The following TPRG1 variants were observed in gnomAD, a reference collection of about 807,000 sequenced individuals.
TPRG1 encodes the protein tumor protein p63-regulated gene 1 protein.
Under a neutral mutation model 29.3 loss-of-function variants are expected in TPRG1, and 29 were observed. The ratio of observed to expected loss-of-function variants is 0.99; its 90% CI spans 0.74 to 1.35. TPRG1 has a LOEUF of 1.35. Among genes scored for constraint, TPRG1 ranks in the 40% most tolerant of loss-of-function variants. The probability of loss-of-function intolerance (pLI) is 0.00; values close to 1 mark genes in which losing one functional copy is unlikely to be tolerated. For synonymous variants in TPRG1, 130 were observed against 116.8 expected, an observed-to-expected ratio of 1.11 and a Z score of -0.73; for missense variants, 327 against 335.0, an observed-to-expected ratio of 0.98 and a Z score of 0.19.
chr3:189,271,120 A>G (rs2109083526), intron 4 of TPRG1, among the ~76,000 whole-genome samples: 1 of 152,320 alleles, frequency 6.6e-6, no homozygotes, highest in East Asian at 1.9e-4. Context: ...AAGTCACTTT[A>G]CTAAAGTCCT....
intron 1 of TPRG1, among the ~76,000 whole-genome samples, chr3:189,117,882 T>C (rs1721367459): frequency 6.6e-6 from 1 of 152,118 alleles, no homozygotes; most frequent in Admixed American, 6.5e-5. Context: ...TTCATAGCAG[T>C]GTGAGAATGG....
intron 4 of TPRG1, among the ~76,000 whole-genome samples, chr3:189,075,767 T>C (rs1717132689): frequency 2.0e-5 from 3 of 152,168 alleles, no homozygotes; most frequent in African/African-American, 7.2e-5. Context: ...TCTTCAGGGA[T>C]AAAATTGGCA....
At chr3:189,017,141 T>G (rs1395386010) in intron 3 of TPRG1, among the ~76,000 whole-genome samples, 2 of 149,130 alleles carry the variant, frequency 1.3e-5, no homozygotes, top group East Asian at 1.9e-4. Flanking sequence ...TGCCTTTTCA[T>G]TTTTTTTTTC....
At chr3:189,255,687 GCCTCAA>G (rs1043427952) in intron 4 of TPRG1, among the ~76,000 whole-genome samples, 29 of 152,216 alleles carry the variant, frequency 1.9e-4, no homozygotes, top group African/African-American at 7.0e-4. Context: ...ATTAATTACT[GCCTCAA>G]TTTCAGAACT....
intron 1 of TPRG1, among the ~76,000 whole-genome samples, chr3:189,195,519 G>A (rs1041628375): frequency 1.3e-5 from 2 of 152,170 alleles, no homozygotes; most frequent in African/African-American, 2.4e-5. Flanking sequence ...ACTACTCACC[G>A]CTAGAGCAAG....
chr3:189,052,351 C>G (rs965538213), intron 4 of TPRG1, among the ~76,000 whole-genome samples: 1 of 152,192 alleles, frequency 6.6e-6, no homozygotes, highest in Non-Finnish European at 1.5e-5. Context: ...TGCTCAACAT[C>G]ACTGATGATC....
chr3:189,014,623 T>C (rs1443589711), intron 3 of TPRG1, among the ~76,000 whole-genome samples: 2 of 152,076 alleles, frequency 1.3e-5, no homozygotes, highest in African/African-American at 4.8e-5. Flanking sequence ...ATGGGGGAAA[T>C]CTTCTCCCTT....
chr3:189,137,441 AAG>A (rs1723910606), intron 3 of TPRG1, among the ~76,000 whole-genome samples: 1 of 152,030 alleles, frequency 6.6e-6, no homozygotes, highest in Non-Finnish European at 1.5e-5. Flanking sequence ...ACAACAAAAA[AAG>A]AATTTTTCCC....
intron 4 of TPRG1, among the ~76,000 whole-genome samples, chr3:189,042,472 A>C (rs1714694856): frequency 6.6e-6 from 1 of 152,180 alleles, no homozygotes; most frequent in African/African-American, 2.4e-5. Flanking sequence ...CAAAAATCTC[A>C]TGCCAATCCT....
At chr3:189,288,078 AAGAG>A (rs143050547) in intron 4 of TPRG1, among the ~76,000 whole-genome samples, 46 of 152,022 alleles carry the variant, frequency 3.0e-4, no homozygotes, top group Admixed American at 2.4e-3. Context: ...ACAGAGGAAA[AAGAG>A]AGAGGAGAGA....
At chr3:189,104,900 C>G (rs1289655779) in intron 1 of TPRG1, among the ~76,000 whole-genome samples, 2 of 152,120 alleles carry the variant, frequency 1.3e-5, no homozygotes. Flanking sequence ...CTGACCCATC[C>G]CCATCAGCTT....
At chr3:189,178,045 G>A (rs559716074) in intron 1 of TPRG1, among the ~76,000 whole-genome samples, 8 of 152,328 alleles carry the variant, frequency 5.3e-5, no homozygotes, top group African/African-American at 1.9e-4. Context: ...GGAGTTGGAT[G>A]ATGCCTGAGA....
At chr3:189,076,915 T>C (rs1240040895) in intron 4 of TPRG1, among the ~76,000 whole-genome samples, 2 of 144,282 alleles carry the variant, frequency 1.4e-5, no homozygotes, top group Admixed American at 6.7e-5. Flanking sequence ...CAAAAGAATA[T>C]ATGTGTACAT....
chr3:189,178,338 G>C lies in TPRG1; in HGVS notation c.-10+6207G>C, dbSNP rs940156664. ...GAGGCCAGGAGTTCCAGAACAGACTGGCCAACATGGCAAAACCCCGTCTCT... is the reference window on the plus strand; with the variant it reads ...GAGGCCAGGAGTTCCAGAACAGACTCGCCAACATGGCAAAACCCCGTCTCT... On this transcript the variant is annotated intron_variant, in intron 1 of 5. Coordinates refer to ENST00000345063, the MANE Select transcript of TPRG1 (RefSeq NM_198485.4). Among the ~76,000 whole-genome samples, 45 of 152,148 alleles carry C rather than the reference G, an allele frequency of 3.0e-4. 2 individuals carry two copies. The highest frequency in any genetic ancestry group is 2.7e-3 in the Admixed American group (42 of 15,276).
At chr3:189,044,922 C>T (rs1714876635) in intron 4 of TPRG1, among the ~76,000 whole-genome samples, 1 of 152,070 alleles carries the variant, frequency 6.6e-6, no homozygotes, top group African/African-American at 2.4e-5. Context: ...GATTTTATGT[C>T]GAAGTGTGGT....
At chr3:189,130,042 T>C (rs1279598075) in intron 2 of TPRG1, among the ~76,000 whole-genome samples, 4 of 152,178 alleles carry the variant, frequency 2.6e-5, no homozygotes, top group Non-Finnish European at 5.9e-5. Context: ...ATTATGTTGA[T>C]GACTATGGCA....
intron 1 of TPRG1, among the ~76,000 whole-genome samples, chr3:189,198,696 A>C (rs1458804852): frequency 6.6e-6 from 1 of 152,218 alleles, no homozygotes; most frequent in Non-Finnish European, 1.5e-5. Context: ...TGGACTATGA[A>C]GATTAGTGCA....
At chr3:189,093,961 C>T (rs1220346665) in intron 4 of TPRG1, among the ~76,000 whole-genome samples, 1 of 151,824 alleles carries the variant, frequency 6.6e-6, no homozygotes, top group Non-Finnish European at 1.5e-5. Context: ...AAGCAGCCCT[C>T]GGGACATCAG....
chr3:189,225,819 C>T (rs917944126), intron 3 of TPRG1, among the ~76,000 whole-genome samples: 1 of 152,024 alleles, frequency 6.6e-6, no homozygotes, highest in Admixed American at 6.6e-5. Flanking sequence ...ACTTTACAGT[C>T]CAAGAGTTGC....
Sources: allele counts gnomAD v4.1 joint callset (sites outside exome capture counted in the v4.1 genomes callset), GRCh38; gene constraint gnomAD v4.1.1; transcripts MANE v1.5; gene names NCBI Gene and HGNC (gene_info 2026-07-23, HGNC 2026-07-21).